Variants in CTNNA3 observed in about 807,000 individuals in gnomAD.
The protein encoded by CTNNA3 is catenin alpha-3.
Under a neutral mutation model 95.7 loss-of-function variants are expected in CTNNA3, and 76 were observed. The ratio of observed to expected loss-of-function variants is 0.79; its 90% confidence interval spans 0.66 to 0.96. The LOEUF (loss-of-function observed/expected upper bound fraction) is 0.96, where lower values mean the gene tolerates loss of function less well. Ranked by LOEUF, CTNNA3 falls within the 40% of genes least tolerant of loss-of-function variation. The pLI is 0.00. For missense variants in CTNNA3, 1,191 were observed against 1,089.8 expected (o/e 1.09, Z -1.31); for synonymous variants, 431 against 374.4 (o/e 1.15, Z -1.74).
chr10:66,945,312 T>C (rs1848221872), intron 7 of CTNNA3, among the ~76,000 whole-genome samples: 1 of 152,224 alleles, frequency 6.6e-6, no homozygotes, highest in Non-Finnish European at 1.5e-5. Flanking sequence ...CTTCAAGCGT[T>C]GTGCTGTTTT....
At chr10:66,151,708 G>T (rs2084209721) in intron 13 of CTNNA3, among the ~76,000 whole-genome samples, 1 of 151,868 alleles carries the variant, frequency 6.6e-6, no homozygotes, top group Non-Finnish European at 1.5e-5. Flanking sequence ...CATCCCTAAG[G>T]ATGATATCAT....
intron 14 of CTNNA3, among the ~76,000 whole-genome samples, chr10:66,073,911 C>T (rs937066410): frequency 1.4e-4 from 22 of 151,882 alleles, no homozygotes; most frequent in African/African-American, 4.4e-4. Context: ...ACAGTTGGAA[C>T]GATTTTCACA....
intron 9 of CTNNA3, among the ~76,000 whole-genome samples, chr10:66,757,937 T>G (rs1343550272): frequency 6.6e-6 from 1 of 152,184 alleles, no homozygotes; most frequent in Non-Finnish European, 1.5e-5. Flanking sequence ...TCCATCATTG[T>G]GAGCATTGAT....
chr10:66,170,455 A>G (rs1455036070), intron 13 of CTNNA3, among the ~76,000 whole-genome samples: 1 of 151,950 alleles, frequency 6.6e-6, no homozygotes. Flanking sequence ...AAACATTACT[A>G]CATTTGGTCA....
intron 5 of CTNNA3, among the ~76,000 whole-genome samples, chr10:67,394,557 G>A (rs1844647071): frequency 6.6e-6 from 1 of 151,992 alleles, no homozygotes; most frequent in South Asian, 2.1e-4. Context: ...CACAATACTG[G>A]CTAAGGTCAT....
At chr10:67,563,573 T>A (rs1003986971) in intron 3 of CTNNA3, among the ~76,000 whole-genome samples, 1 of 152,148 alleles carries the variant, frequency 6.6e-6, no homozygotes, top group Non-Finnish European at 1.5e-5. Flanking sequence ...ATTCAGGACA[T>A]AGGCACAGGC....
chr10:67,317,838 G>C (rs1407559646), intron 5 of CTNNA3, among the ~76,000 whole-genome samples: 4 of 152,152 alleles, frequency 2.6e-5, no homozygotes, highest in African/African-American at 9.7e-5. Context: ...CTGTTGCAGA[G>C]TTGCCAATGA....
At chr10:66,597,074 C>CTCAAGCTATTTTTTT (rs1843735369) in intron 10 of CTNNA3, among the ~76,000 whole-genome samples, 1 of 151,624 alleles carries the variant, frequency 6.6e-6, no homozygotes, top group Non-Finnish European at 1.5e-5. Flanking sequence ...CAATAGCAGA[C>CTCAAGCTATTTTTTT]TCAAGCAGAA....
chr10:67,293,067 T>C lies in CTNNA3; in HGVS notation c.580-73197A>G, dbSNP rs564609096. On this transcript the variant is annotated intron_variant, in intron 5 of 17. Coordinates refer to ENST00000433211, the MANE Select transcript of CTNNA3 (RefSeq NM_013266.4). The stretch of plus-strand genomic sequence containing the variant: ...AATAAAGCAGAACCATCAGAAGTTC[T>C]CTAAATGGAAAGAAGTTATAAATAC... 2.6e-5 allele frequency among the ~76,000 whole-genome samples: 4 copies of C among 152,264 alleles called. No homozygotes were observed. The East Asian group carries it at 7.7e-4, about 29-fold the overall frequency.
At chr10:66,079,034 T>C (rs2080642356) in intron 14 of CTNNA3, 1 of 151,910 alleles carries the variant, frequency 6.6e-6, no homozygotes, top group South Asian at 2.1e-4. Flanking sequence ...AAAGAAAATC[T>C]ATCAAAAAAG....
At chr10:66,735,608 T>C (rs1471353523) in intron 9 of CTNNA3, among the ~76,000 whole-genome samples, 1 of 152,180 alleles carries the variant, frequency 6.6e-6, no homozygotes, top group Non-Finnish European at 1.5e-5. Flanking sequence ...GGGTCAGTCT[T>C]GTTTTGTTTG....
chr10:67,168,085 G>A (rs953075901), intron 7 of CTNNA3, among the ~76,000 whole-genome samples: 9 of 152,136 alleles, frequency 5.9e-5, no homozygotes, highest in Admixed American at 2.0e-4. Context: ...GCAGTGAGCC[G>A]AGATGGCGTC....
At chr10:66,862,357 G>A (rs959969689) in intron 7 of CTNNA3, among the ~76,000 whole-genome samples, 16 of 152,134 alleles carry the variant, frequency 1.1e-4, no homozygotes, top group African/African-American at 3.9e-4. Context: ...CAGTTTCTAA[G>A]AACTTATCAG....
At chr10:66,325,152 A>G (rs2092239261) in intron 12 of CTNNA3, among the ~76,000 whole-genome samples, 1 of 152,056 alleles carries the variant, frequency 6.6e-6, no homozygotes, top group African/African-American at 2.4e-5. Context: ...GGCACACGAA[A>G]GGCAGGAGTG....
chr10:66,554,769 A>G (rs1842339805), intron 10 of CTNNA3, among the ~76,000 whole-genome samples: 1 of 152,100 alleles, frequency 6.6e-6, no homozygotes, highest in Non-Finnish European at 1.5e-5. Context: ...TCTCATTAAC[A>G]GAATAAGTAT....
chr10:66,695,921 G>GGA (rs1554837136), intron 9 of CTNNA3, among the ~76,000 whole-genome samples: 1 of 140,230 alleles, frequency 7.1e-6, no homozygotes, highest in East Asian at 2.3e-4. Flanking sequence ...ACGTAAGGGG[G>GGA]GGGGGCAATA....
intron 7 of CTNNA3, among the ~76,000 whole-genome samples, chr10:66,955,922 G>A (rs1848766448): frequency 6.6e-6 from 1 of 152,066 alleles, no homozygotes; most frequent in Non-Finnish European, 1.5e-5. Flanking sequence ...CATGGCATTT[G>A]GAAATTTGCT....
At chr10:66,399,874 C>T (rs1449814647) in intron 11 of CTNNA3, among the ~76,000 whole-genome samples, 1 of 151,906 alleles carries the variant, frequency 6.6e-6, no homozygotes, top group African/African-American at 2.4e-5. Context: ...AATGTCACTT[C>T]TCTGTCCCAA....
chr10:66,952,204 T>TGAAAAG (rs1848571175), intron 7 of CTNNA3, among the ~76,000 whole-genome samples: 1 of 152,132 alleles, frequency 6.6e-6, no homozygotes, highest in African/African-American at 2.4e-5. Flanking sequence ...GGCAAAAGTC[T>TGAAAAG]TTGCTAAGAT....
Sources: allele counts gnomAD v4.1 joint callset (sites outside exome capture counted in the v4.1 genomes callset), GRCh38; gene constraint gnomAD v4.1.1; transcripts MANE v1.5; gene names NCBI Gene and HGNC (gene_info 2026-07-23, HGNC 2026-07-21).